The following CDIN1 variants were observed in gnomAD, a reference collection of about 807,000 sequenced individuals.
CDIN1 encodes CDAN1 interacting nuclease 1.
Under a neutral mutation model 45.3 loss-of-function variants are expected in CDIN1, and 33 were observed. That is an observed-to-expected ratio of 0.73 (90% CI 0.55 to 0.97). CDIN1 has a LOEUF of 0.97. Ranked by LOEUF, CDIN1 falls within the 50% of genes least tolerant of loss-of-function variation. The probability of loss-of-function intolerance (pLI) is 0.00; values close to 1 mark genes in which losing one functional copy is unlikely to be tolerated. For missense variants in CDIN1, 303 were observed against 339.4 expected, an observed-to-expected ratio of 0.89 and a Z score of 0.84; for synonymous variants, 118 against 124.4, an observed-to-expected ratio of 0.95 and a Z score of 0.34.
rs79095456 is a variant in CDIN1 at position 36,772,662 on chromosome 15, T to C, written c.717-35662T>C. Among the ~76,000 whole-genome samples, 340 of 152,304 alleles carry C rather than the reference T, an allele frequency of 2.2e-3. 8 individuals carry two copies. The East Asian group carries it at 0.06, about 27-fold the overall frequency. Reference sequence around the variant, plus strand: ...CCTGGAATGGTGAGGCCCTGATAGATACATACTGAGGAAATACAGCAATCT... The same window carrying C: ...CCTGGAATGGTGAGGCCCTGATAGACACATACTGAGGAAATACAGCAATCT... On this transcript the variant is annotated intron_variant, in intron 10 of 10. Transcript: ENST00000566621.
intron 5 of CDIN1, among the ~76,000 whole-genome samples, chr15:36,682,401 A>G (rs551825761): frequency 1.1e-3 from 164 of 152,210 alleles, no homozygotes; most frequent in Non-Finnish European, 2.0e-3. Flanking sequence ...GCCCACCCAC[A>G]TTAGGGAGGG....
intron 1 of CDIN1, chr15:36,617,334 T>G: frequency 6.8e-7 from 1 of 1,480,402 alleles, no homozygotes. Context: ...CAAGAAATAC[T>G]ACAGGCATTG....
chr15:36,788,106 ATTTTT>A (rs1172040193), intron 10 of CDIN1, among the ~76,000 whole-genome samples: 92 of 50,366 alleles, frequency 1.8e-3, no homozygotes, highest in African/African-American at 6.6e-3. Context: ...ATATATATAT[ATTTTT>A]TTTTTTTTTT....
intron 1 of CDIN1, among the ~76,000 whole-genome samples, chr15:36,589,749 CCG>C (rs2037485661): frequency 6.6e-6 from 1 of 152,164 alleles, no homozygotes; most frequent in African/African-American, 2.4e-5. Flanking sequence ...CGTGATCTGC[CCG>C]CCTCGGCCTC....
chr15:36,600,137 C>T (rs1037819474), intron 1 of CDIN1, among the ~76,000 whole-genome samples: 5 of 152,136 alleles, frequency 3.3e-5, no homozygotes, highest in Non-Finnish European at 5.9e-5. Context: ...GCCTCTTAGG[C>T]CCTTTTCTGT....
At chr15:36,671,517 C>G (rs2041451548) in intron 5 of CDIN1, among the ~76,000 whole-genome samples, 1 of 151,732 alleles carries the variant, frequency 6.6e-6, no homozygotes, top group South Asian at 2.1e-4. Flanking sequence ...ATATACCACC[C>G]CCACCCCATG....
At chr15:36,585,114 A>T (rs2140162411) in intron 1 of CDIN1, among the ~76,000 whole-genome samples, 1 of 152,266 alleles carries the variant, frequency 6.6e-6, no homozygotes, top group Non-Finnish European at 1.5e-5. Flanking sequence ...AACACTACAT[A>T]TATATTTGAT....
intron 5 of CDIN1, among the ~76,000 whole-genome samples, chr15:36,669,273 C>T (rs1260035961): frequency 6.6e-6 from 1 of 151,964 alleles, no homozygotes; most frequent in Non-Finnish European, 1.5e-5. Context: ...CTGTAATTAC[C>T]CATACTTGTA....
chr15:36,621,003 C>G (rs755368200), intron 1 of CDIN1, among the ~76,000 whole-genome samples: 6 of 152,130 alleles, frequency 3.9e-5, no homozygotes, highest in Non-Finnish European at 8.8e-5. Flanking sequence ...CTCTCATATA[C>G]TAAATACACA....
chr15:36,655,505 T>C, intron 4 of CDIN1, among the ~76,000 whole-genome samples: 1 of 152,230 alleles, frequency 6.6e-6, no homozygotes, highest in East Asian at 1.9e-4. Context: ...TTTTGTATTT[T>C]TAGCAGAGAC....
intron 1 of CDIN1, 60 bp downstream of exon 1, chr15:36,580,021 C>T (rs1327969718): frequency 8.8e-6 from 13 of 1,469,802 alleles, no homozygotes; most frequent in East Asian, 4.8e-5. Context: ...GCCTGGGCCG[C>T]CCAGGCAGCG....
chr15:36,606,197 A>G (rs1250217590), intron 1 of CDIN1, among the ~76,000 whole-genome samples: 2 of 152,074 alleles, frequency 1.3e-5, no homozygotes, highest in African/African-American at 4.8e-5. Flanking sequence ...AAATATATAC[A>G]CTATGAATAT....
chr15:36,718,662 G>A (rs748622565), intron 10 of CDIN1, among the ~76,000 whole-genome samples: 6 of 151,896 alleles, frequency 4.0e-5, no homozygotes, highest in Admixed American at 6.6e-5. Flanking sequence ...CTACTATAGA[G>A]GAATACAATT....
At chr15:36,613,717 A>G in intron 1 of CDIN1, 1 of 1,547,544 alleles carries the variant, frequency 6.5e-7, no homozygotes. Context: ...AAGCGGAAAA[A>G]GCTGCTGATG....
At chr15:36,632,513 G>A (rs1193858248) in intron 1 of CDIN1, among the ~76,000 whole-genome samples, 1 of 152,198 alleles carries the variant, frequency 6.6e-6, no homozygotes. Flanking sequence ...CCACCTGAGA[G>A]ACTTTATCTG....
At chr15:36,800,776 A>G (rs991200549) in intron 10 of CDIN1, among the ~76,000 whole-genome samples, 1 of 151,198 alleles carries the variant, frequency 6.6e-6, no homozygotes, top group Non-Finnish European at 1.5e-5. Context: ...ATGTCTGCAC[A>G]CATCCTCAGA....
intron 1 of CDIN1, among the ~76,000 whole-genome samples, chr15:36,606,833 G>A (rs749603975): frequency 5.3e-5 from 8 of 152,138 alleles, no homozygotes; most frequent in South Asian, 2.1e-4. Context: ...ATATTTAGCT[G>A]TGTTCCTGTC....
chr15:36,687,080 T>C (rs1214188482), intron 5 of CDIN1, among the ~76,000 whole-genome samples: 2 of 152,064 alleles, frequency 1.3e-5, no homozygotes, highest in African/African-American at 4.8e-5. Context: ...GAATGTATTA[T>C]ATCCAAGGGA....
intron 8 of CDIN1, chr15:36,706,480 G>C (rs1021426702): frequency 1.3e-5 from 2 of 151,006 alleles, no homozygotes; most frequent in African/African-American, 4.9e-5. Flanking sequence ...AGGCATAGTG[G>C]CATGCACCTG....
Sources: gnomAD v4.1 joint callset for allele counts (sites outside exome capture counted in the v4.1 genomes callset) on GRCh38, gnomAD v4.1.1 for gene constraint, MANE v1.5 for transcripts, NCBI Gene and HGNC (gene_info 2026-07-23, HGNC 2026-07-21) for gene names.